CTNNA2: variants seen among roughly 807,000 people sequenced by gnomAD.
The protein encoded by CTNNA2 is catenin alpha 2.
Under a neutral mutation model 101.0 loss-of-function variants are expected in CTNNA2, and 42 were observed. The observed-to-expected ratio is 0.42, with a 90% CI of 0.32 to 0.54. The LOEUF is 0.54. CTNNA2 is among the 20% of genes least tolerant of loss of function. The pLI, the probability that CTNNA2 is intolerant of heterozygous loss-of-function variation, is 0.14. For synonymous variants in CTNNA2, 450 were observed against 456.4 expected (o/e 0.99, Z 0.18); for missense variants, 871 against 1,223.1 (o/e 0.71, Z 4.29).
At chr2:80,262,341 C>T (rs1241341650) in intron 7 of CTNNA2, among the ~76,000 whole-genome samples, 6 of 152,056 alleles carry the variant, frequency 3.9e-5, no homozygotes, top group African/African-American at 9.7e-5. Flanking sequence ...ATAGATTATC[C>T]TCTAACCAGT....
chr2:80,435,315 G>C (rs958118405), intron 9 of CTNNA2, among the ~76,000 whole-genome samples: 14 of 152,114 alleles, frequency 9.2e-5, no homozygotes, highest in African/African-American at 3.4e-4. Flanking sequence ...GTGAAGGTTT[G>C]TTTCTTAACT....
chr2:79,539,218 A>C (rs2103978649), intron 1 of CTNNA2, among the ~76,000 whole-genome samples: 1 of 152,312 alleles, frequency 6.6e-6, no homozygotes, highest in African/African-American at 2.4e-5. Context: ...ATATATTAAT[A>C]GGAGTGAGGC....
At chr2:80,295,378 A>G (rs572383659) in intron 7 of CTNNA2, among the ~76,000 whole-genome samples, 1 of 152,170 alleles carries the variant, frequency 6.6e-6, no homozygotes, top group African/African-American at 2.4e-5. Context: ...TACATGCCTG[A>G]GCTTTCTCAT....
intron 16 of CTNNA2, chr2:80,605,504 A>C (rs1427443440): frequency 6.6e-6 from 1 of 151,984 alleles, no homozygotes; most frequent in African/African-American, 2.4e-5. Flanking sequence ...ATATGGCTCT[A>C]GTCTCTGATG....
intron 4 of CTNNA2, among the ~76,000 whole-genome samples, chr2:79,465,143 C>T (rs1268872968): frequency 6.6e-6 from 1 of 152,146 alleles, no homozygotes; most frequent in Non-Finnish European, 1.5e-5. Flanking sequence ...TTTAATCCAT[C>T]TTGAATTAAT....
chr2:80,455,048 G>C (rs1683846940), intron 9 of CTNNA2, among the ~76,000 whole-genome samples: 1 of 151,856 alleles, frequency 6.6e-6, no homozygotes, highest in South Asian at 2.1e-4. Context: ...GCAGAACTTG[G>C]ACCAAAAGAC....
intron 3 of CTNNA2, among the ~76,000 whole-genome samples, chr2:79,780,947 GTA>G (rs1403941767): frequency 2.6e-5 from 4 of 152,140 alleles, no homozygotes; most frequent in Non-Finnish European, 5.9e-5. Flanking sequence ...AGATGTCCTA[GTA>G]TTACAGAAAA....
chr2:80,017,223 A>G (rs957005238), intron 7 of CTNNA2, among the ~76,000 whole-genome samples: 17 of 152,072 alleles, frequency 1.1e-4, no homozygotes, highest in African/African-American at 3.4e-4. Context: ...GCCTCTGACC[A>G]TACTGCAGCC....
rs186888020 is a variant in CTNNA2, at chr2:80,437,722, G to A, written c.1290+18121G>A. Among the ~76,000 whole-genome samples, 22 of 152,318 alleles carry A rather than the reference G, an allele frequency of 1.4e-4. No individual in the cohort carries two copies. In the East Asian group the frequency reaches 3.7e-3, roughly 25 times the overall value. On this transcript the variant is annotated intron_variant, in intron 9 of 18. Coordinates refer to ENST00000402739, the MANE Select transcript of CTNNA2 (RefSeq NM_001282597.3). ...ATTAAAACATACCACACACTGACCG[G>A]GTGCAGTGGCTTTCGCCTGTAATCC... is the stretch of plus-strand genomic sequence containing the variant.
chr2:80,545,408 GT>G (rs1453646671), intron 10 of CTNNA2, among the ~76,000 whole-genome samples: 1 of 149,660 alleles, frequency 6.7e-6, no homozygotes, highest in Non-Finnish European at 1.5e-5. Context: ...GCTGGGTGTG[GT>G]GGGGGCATTC....
chr2:80,467,420 G>A (rs563800596), intron 9 of CTNNA2, among the ~76,000 whole-genome samples: 45 of 152,306 alleles, frequency 3.0e-4, no homozygotes, highest in African/African-American at 1.0e-3. Context: ...GGGAAGATAC[G>A]TGGTTAGTAC....
At chr2:79,193,250 C>T (rs1237780231) in intron 1 of CTNNA2, among the ~76,000 whole-genome samples, 1 of 152,094 alleles carries the variant, frequency 6.6e-6, no homozygotes, top group Non-Finnish European at 1.5e-5. Context: ...CTTGCTAGGT[C>T]ATGCTCTTTA....
At chr2:79,237,308 CA>C (rs1345557957) in intron 2 of CTNNA2, among the ~76,000 whole-genome samples, 34 of 152,250 alleles carry the variant, frequency 2.2e-4, no homozygotes, top group African/African-American at 8.2e-4. Flanking sequence ...TAGAAGGCCT[CA>C]ATGGTGGTCT....
rs145608608 is a variant in CTNNA2, at chr2:80,213,129, G to A, written c.1057-180082G>A. On this transcript the variant is annotated intron_variant, in intron 7 of 18. Transcript: ENST00000402739. ...TTTCTTCTTTATTTGTCTTGCTAGC[G>A]GCCCATCAATTTTGTTGATCTTTTC... Among the ~76,000 whole-genome samples the A allele has an allele frequency of 2.9e-3, 446 of 151,756 alleles. 1 individual carries two copies. The highest frequency in any genetic ancestry group is 6.1e-3 in the African/African-American group (251 of 41,368).
At chr2:80,500,009 A>G (rs948355995) in intron 9 of CTNNA2, among the ~76,000 whole-genome samples, 1 of 152,122 alleles carries the variant, frequency 6.6e-6, no homozygotes, top group Non-Finnish European at 1.5e-5. Flanking sequence ...CTTGCCATGT[A>G]AGTCTTAAAT....
intron 18 of CTNNA2, among the ~76,000 whole-genome samples, chr2:80,646,695 G>C (rs1674130678): frequency 6.6e-6 from 1 of 151,946 alleles, no homozygotes; most frequent in Non-Finnish European, 1.5e-5. Flanking sequence ...CAGAAAAAAG[G>C]TAACCCAAAA....
intron 1 of CTNNA2, among the ~76,000 whole-genome samples, chr2:79,604,578 G>T (rs879288493): frequency 3.3e-5 from 5 of 152,190 alleles, no homozygotes; most frequent in African/African-American, 4.8e-5. Flanking sequence ...GAGATCTTCA[G>T]CAAGTCCTCC....
intron 8 of CTNNA2, among the ~76,000 whole-genome samples, chr2:80,405,467 A>T (rs1678969443): frequency 6.6e-6 from 1 of 152,140 alleles, no homozygotes; most frequent in African/African-American, 2.4e-5. Context: ...GAAGAGCATA[A>T]GGTAAATATC....
In CTNNA2 at chr2:80,303,227, T is replaced by C. The variant is rs1410816145; in HGVS notation, c.1057-89984T>C. The C allele has an allele frequency of 3.1e-6, 5 of 1,613,822 alleles. No individual in the cohort carries two copies. The highest frequency in any genetic ancestry group is 4.2e-6 in the Non-Finnish European group (5 of 1,179,942). On this transcript the variant is annotated intron_variant, in intron 7 of 18. Coordinates refer to ENST00000402739, the MANE Select transcript of CTNNA2 (RefSeq NM_001282597.3). This position sits in a 1 kb window ranked among gnomAD's most constrained non-coding sequence, Gnocchi z 7.7. ...GGCGAAAGAGTTGCGCGCCAGACTCTTGAGCTGATTGTATCCGATGTCGAG... is the reference window on the plus strand; with the variant it reads ...GGCGAAAGAGTTGCGCGCCAGACTCCTGAGCTGATTGTATCCGATGTCGAG...
Sources: gnomAD v4.1 joint callset for allele counts (sites outside exome capture counted in the v4.1 genomes callset) on GRCh38, gnomAD v4.1.1 for gene constraint, Gnocchi (gnomAD v3.1) non-coding constraint, MANE v1.5 for transcripts, NCBI Gene and HGNC (gene_info 2026-07-23, HGNC 2026-07-21) for gene names.